Variants in ZNF257 observed in about 807,000 individuals in gnomAD.
ZNF257 encodes the protein zinc finger protein 257, also known as bone marrow zinc finger 4.
Under a neutral mutation model 11.9 loss-of-function variants are expected in ZNF257, and 12 were observed. That is an observed-to-expected ratio of 1.01 (90% confidence interval 0.65 to 1.63). The LOEUF is 1.63. Among genes scored for constraint, ZNF257 ranks in the 40% most tolerant of loss-of-function variants. The pLI is 0.00. For synonymous variants in ZNF257, 183 were observed against 222.7 expected, an observed-to-expected ratio of 0.82 and a Z score of 1.59; for missense variants, 580 against 665.5, an observed-to-expected ratio of 0.87 and a Z score of 1.41.
chr19:22,088,237 CATAAG>C lies in ZNF257; in HGVS notation c.494_498del (p.Ile165ThrfsTer3), dbSNP rs749919396. On this transcript the variant is annotated frameshift_variant, in exon 4 of 4. Transcript: ENST00000594947. LOFTEE classifies it low-confidence loss of function (END_TRUNC). ...CTATAAGTTTTCAAATTCAGATAGACATAAGATAAGACATACTGAAAAGAAAACTT... is the reference window on the plus strand; with the variant it reads ...CTATAAGTTTTCAAATTCAGATAGACATAAGACATACTGAAAAGAAAACTT... 48 of 1,611,194 alleles carry C rather than the reference CATAAG, an allele frequency of 3.0e-5. 1 individual carries two copies. Among genetic ancestry groups the C allele is most frequent in the Middle Eastern group, 1.7e-4 (1 of 6,058 alleles).
At position 22,089,726 on chromosome 19, in the gene ZNF257, A is replaced by G. The variant is rs1473348169; in HGVS notation, c.*284A>G. 1.6e-6 allele frequency: 1 copy of G among 619,120 alleles called. No individual in the cohort carries two copies. The highest frequency in any genetic ancestry group is 4.7e-5 in the East Asian group (1 of 21,240). 38.4% of individuals were successfully genotyped at this position (619,120 alleles called of 1,614,324 possible). On this transcript the variant is annotated 3_prime_UTR_variant, in exon 4 of 4. Transcript: ENST00000594947. ...GCCTACAAATATGAAGAATGTGACA[A>G]GGCCTTTAAAAGTTCTCAACCCTTA...
chr19:22,077,234 A>T (rs2022248232), intron 3 of ZNF257, among the ~76,000 whole-genome samples: 1 of 152,074 alleles, frequency 6.6e-6, no homozygotes, highest in Non-Finnish European at 1.5e-5. Flanking sequence ...GGGGAGGATT[A>T]CTTGAGCCTG....
intron 3 of ZNF257, among the ~76,000 whole-genome samples, chr19:22,084,802 G>A (rs2022437714): frequency 6.6e-6 from 1 of 150,818 alleles, no homozygotes; most frequent in Non-Finnish European, 1.5e-5. Flanking sequence ...AGTGATCTCG[G>A]CTAACTAACT....
chr19:22,061,771 G>C (rs530564009), intron 1 of ZNF257, among the ~76,000 whole-genome samples: 2 of 151,998 alleles, frequency 1.3e-5, no homozygotes, highest in Non-Finnish European at 2.9e-5. Flanking sequence ...TTGGCTGTGG[G>C]TCTGTCATAA....
intron 1 of ZNF257, among the ~76,000 whole-genome samples, chr19:22,053,820 G>A (rs139015281): frequency 0.041 from 6,205 of 152,018 alleles, 216 homozygotes; most frequent in Middle Eastern, 0.11. Flanking sequence ...AGCTACTCCG[G>A]AGGCTGAGGC....
rs770280254 is a variant in ZNF257, at chr19:22,088,846, C to A, written c.1096C>A (p.His366Asn). ...ACACCTTACTCAACATAAGATAATTCATACTAAAGAGAAACCCTACAAATG... is the reference window on the plus strand; with the variant it reads ...ACACCTTACTCAACATAAGATAATTAATACTAAAGAGAAACCCTACAAATG... ...SSHLTQHKII[H>N]TKEKPYKCEE... The change falls in exon 4 of 4, where the codon CAT becomes AAT. Residue 366 changes from histidine to asparagine, a missense_variant. Physicochemically the swap from His to Asn is moderately conservative, Grantham distance 68 (BLOSUM62 1). Transcript: ENST00000594947. 1.2e-6 allele frequency: 2 copies of A among 1,613,286 alleles called. No individual in the cohort carries two copies. The highest frequency in any genetic ancestry group is 4.5e-5 in the East Asian group (2 of 44,788).
chr19:22,061,259 A>G (rs1322106743), intron 1 of ZNF257, among the ~76,000 whole-genome samples: 2 of 152,198 alleles, frequency 1.3e-5, no homozygotes, highest in African/African-American at 4.8e-5. Flanking sequence ...CCATGAGCAT[A>G]AAATGATTTT....
Position 22,072,849 on chromosome 19 carries a change from TGGA to T in ZNF257, c.49_51del (p.Glu17del). 1 of 1,613,432 alleles carries T rather than the reference TGGA, an allele frequency of 6.2e-7. No individual in the cohort carries two copies. Among genetic ancestry groups the T allele is most frequent in the Non-Finnish European group, 8.5e-7 (1 of 1,179,678 alleles). ...AGGGATGTGACTGTAGAATTCTCTC[TGGA>T]GGAGTGGCATTGCCTGGACACTGCA... On this transcript the variant is annotated inframe_deletion, in exon 2 of 4. Transcript: ENST00000594947.
At chr19:22,077,861 A>G (rs1189008893) in intron 3 of ZNF257, among the ~76,000 whole-genome samples, 1 of 151,944 alleles carries the variant, frequency 6.6e-6, no homozygotes, top group Non-Finnish European at 1.5e-5. Flanking sequence ...AATAATGGCT[A>G]CGCTCCTGAT....
rs1033811872 is a variant in ZNF257, at chr19:22,053,925, C to CA, written c.3+1298dup. On this transcript the variant is annotated intron_variant, in intron 1 of 3. Transcript: ENST00000594947. ...GGGCAACAAGAGTGAAACTCCATCTCAAAAAAAACAAAACAAAACAAAAAC... is the reference window on the plus strand; with the variant it reads ...GGGCAACAAGAGTGAAACTCCATCTCAAAAAAAAACAAAACAAAACAAAAAC... Among the ~76,000 whole-genome samples, 625 of 151,072 alleles carry CA rather than the reference C, an allele frequency of 4.1e-3. 2 individuals carry two copies. The highest frequency in any genetic ancestry group is 0.013 in the African/African-American group (548 of 41,168).
chr19:22,081,748 T>C (rs1279894663), intron 3 of ZNF257, among the ~76,000 whole-genome samples: 1 of 152,066 alleles, frequency 6.6e-6, no homozygotes, highest in East Asian at 1.9e-4. Flanking sequence ...CACTCTGGTT[T>C]TGACCTTCTG....
intron 1 of ZNF257, chr19:22,066,004 G>T (rs2021935671): frequency 6.6e-6 from 1 of 152,114 alleles, no homozygotes; most frequent in Admixed American, 6.5e-5. Flanking sequence ...CACTCTGGAT[G>T]CTTAGAAATT....
Position 22,063,228 on chromosome 19 carries a change from C to T in ZNF257, c.4-9581C>T, listed in dbSNP as rs560121008. On this transcript the variant is annotated intron_variant, in intron 1 of 3. Transcript: ENST00000594947. ...CAGTAATAATGTCCCTTTGTCATTT[C>T]TAATTGTGTTTATTTGGCTCTTGTT... Among the ~76,000 whole-genome samples, 3 of 152,158 alleles carry T rather than the reference C, an allele frequency of 2.0e-5. No homozygotes were observed. The East Asian group carries it at 5.8e-4, about 29-fold the overall frequency.
intron 3 of ZNF257, among the ~76,000 whole-genome samples, chr19:22,083,022 G>C (rs949295395): frequency 6.6e-6 from 1 of 152,036 alleles, no homozygotes; most frequent in Non-Finnish European, 1.5e-5. Context: ...GTGTAGGTTT[G>C]TTGTGAAAGG....
chr19:22,057,355 G>A (rs1425084338), intron 1 of ZNF257, among the ~76,000 whole-genome samples: 1 of 152,098 alleles, frequency 6.6e-6, no homozygotes, highest in Non-Finnish European at 1.5e-5. Context: ...TATTGAGCCT[G>A]CAAAAAAGGT....
intron 2 of ZNF257, 76 bp downstream of exon 2, chr19:22,073,011 A>G: frequency 7.2e-7 from 1 of 1,388,994 alleles, no homozygotes; most frequent in Non-Finnish European, 9.5e-7. Flanking sequence ...TTTTTGTAGA[A>G]TGTTTTTTGG....
rs541614477 is a variant in ZNF257, at chr19:22,078,677, T to C, written c.226+5113T>C. Among the ~76,000 whole-genome samples, 243 of 152,212 alleles carry C rather than the reference T, an allele frequency of 1.6e-3. 1 individual carries two copies. The highest frequency in any genetic ancestry group is 5.5e-3 in the African/African-American group (230 of 41,548). ...GCGTCATGTTTTTCTTCTATATTTCTAAAAAATTGGTTAATTATTTTTTAT... is the reference window on the plus strand; with the variant it reads ...GCGTCATGTTTTTCTTCTATATTTCCAAAAAATTGGTTAATTATTTTTTAT... On this transcript the variant is annotated intron_variant, in intron 3 of 3. Transcript: ENST00000594947.
rs775859761 is a variant in ZNF257, at chr19:22,089,695, G to C, written c.*253G>C. 1.3e-5 allele frequency: 11 copies of C among 863,108 alleles called. No homozygotes were observed. The highest frequency in any genetic ancestry group is 1.8e-5 in the Non-Finnish European group (11 of 610,064). 53.5% of individuals were successfully genotyped at this position (863,108 alleles called of 1,614,324 possible). A position where few individuals can be genotyped will look rare whatever the true frequency, so the allele number is the denominator to read the frequency against. On this transcript the variant is annotated 3_prime_UTR_variant, in exon 4 of 4. Coordinates refer to ENST00000594947, the MANE Select transcript of ZNF257 (RefSeq NM_033468.4). ...ACTAAACATGAGAACACATGTGGAA[G>C]ATAAAGCCTACAAATATGAAGAATG... is the stretch of plus-strand genomic sequence containing the variant.
At chr19:22,068,284 T>A (rs1259233760) in intron 1 of ZNF257, among the ~76,000 whole-genome samples, 4 of 151,894 alleles carry the variant, frequency 2.6e-5, no homozygotes, top group Non-Finnish European at 5.9e-5. Flanking sequence ...ATAAACTGTC[T>A]ACTTATATCT....
Sources: gnomAD v4.1 joint callset for allele counts (sites outside exome capture counted in the v4.1 genomes callset) on GRCh38, gnomAD v4.1.1 for gene constraint, MANE v1.5 for transcripts, NCBI Gene and HGNC (gene_info 2026-07-23, HGNC 2026-07-21) for gene names.